SPATS2: variants seen among roughly 807,000 people sequenced by gnomAD.
SPATS2 encodes the protein spermatogenesis-associated serine-rich protein 2.
A neutral mutation model predicts 63.7 loss-of-function variants in SPATS2; 38 were observed. The ratio of observed to expected loss-of-function variants is 0.60; its 90% CI spans 0.46 to 0.78. SPATS2 has a LOEUF of 0.78. Among genes scored for constraint, SPATS2 ranks in the 30% least tolerant of loss-of-function variants. The probability of loss-of-function intolerance (pLI) is 0.00; values close to 1 mark genes in which losing one functional copy is unlikely to be tolerated. For synonymous variants in SPATS2, 207 were observed against 232.9 expected (o/e 0.89, Z 1.01); for missense variants, 588 against 666.2 (o/e 0.88, Z 1.29).
chr12:49,452,145 T>TA (rs893289136), intron 2 of SPATS2, among the ~76,000 whole-genome samples: 20 of 152,232 alleles, frequency 1.3e-4, no homozygotes, highest in Admixed American at 9.8e-4. Flanking sequence ...TAGATACATT[T>TA]AAAAAAAATC....
At chr12:49,453,998 G>A (rs1434269580) in intron 2 of SPATS2, among the ~76,000 whole-genome samples, 1 of 151,586 alleles carries the variant, frequency 6.6e-6, no homozygotes, top group East Asian at 1.9e-4. Context: ...GAGTAGCTGG[G>A]ACTACAGGCT....
intron 2 of SPATS2, among the ~76,000 whole-genome samples, chr12:49,372,424 T>G (rs751957016): frequency 6.6e-6 from 1 of 152,146 alleles, no homozygotes; most frequent in Non-Finnish European, 1.5e-5. Flanking sequence ...TCTATTGACT[T>G]TTTCTGTATT....
chr12:49,497,128 A>G, intron 8 of SPATS2, 119 bp downstream of exon 8: 1 of 1,047,714 alleles, frequency 9.5e-7, no homozygotes, highest in Non-Finnish European at 1.3e-6. Flanking sequence ...ATATTTTTCC[A>G]TTTTCCAGAC....
intron 2 of SPATS2, among the ~76,000 whole-genome samples, chr12:49,375,984 A>G (rs992693514): frequency 2.7e-5 from 4 of 150,690 alleles, no homozygotes; most frequent in African/African-American, 7.3e-5. Context: ...TAATTTTTAA[A>G]TAGAGACAGG....
At chr12:49,450,923 C>CAGTT (rs1945611867) in intron 2 of SPATS2, among the ~76,000 whole-genome samples, 1 of 151,448 alleles carries the variant, frequency 6.6e-6, no homozygotes, top group African/African-American at 2.4e-5. Context: ...GGCTAGAGTG[C>CAGTT]AGTTACACGA....
chr12:49,493,099 T>TAAAA (rs559171414), intron 6 of SPATS2, among the ~76,000 whole-genome samples: 1 of 126,412 alleles, frequency 7.9e-6, no homozygotes, highest in Admixed American at 8.3e-5. Context: ...ACTCCGTCTT[T>TAAAA]AAAAAAAAAA....
chr12:49,403,665 T>C (rs1164346892), intron 2 of SPATS2, among the ~76,000 whole-genome samples: 3 of 151,524 alleles, frequency 2.0e-5, no homozygotes, highest in African/African-American at 4.9e-5. Context: ...TTCTCTGTTA[T>C]GGCTTATTGA....
intron 2 of SPATS2, among the ~76,000 whole-genome samples, chr12:49,379,840 C>G (rs1458552421): frequency 1.3e-5 from 2 of 152,054 alleles, no homozygotes; most frequent in Non-Finnish European, 2.9e-5. Flanking sequence ...TCAGGCTGGT[C>G]TCAAACTCCT....
At chr12:49,409,562 A>C (rs371695730) in intron 2 of SPATS2, among the ~76,000 whole-genome samples, 114 of 146,836 alleles carry the variant, frequency 7.8e-4, no homozygotes, top group African/African-American at 2.7e-3. Context: ...AAAGTGCTGG[A>C]ATTACAGGCG....
intron 2 of SPATS2, among the ~76,000 whole-genome samples, chr12:49,430,551 T>G (rs1055403286): frequency 1.8e-4 from 27 of 152,232 alleles, no homozygotes; most frequent in Middle Eastern, 3.4e-3. Flanking sequence ...TTTTCTTGTT[T>G]TCCATCATTA....
At chr12:49,474,360 A>G (rs1349733273) in intron 3 of SPATS2, among the ~76,000 whole-genome samples, 1 of 152,224 alleles carries the variant, frequency 6.6e-6, no homozygotes, top group Non-Finnish European at 1.5e-5. Context: ...ATGAAGGTTA[A>G]TGAGTGAAGA....
chr12:49,498,659 TCTA>T (rs1195467518), intron 8 of SPATS2, among the ~76,000 whole-genome samples: 13 of 152,332 alleles, frequency 8.5e-5, no homozygotes, highest in Non-Finnish European at 4.4e-5. Context: ...TGCTGTTAAT[TCTA>T]TGCAGTATAT....
chr12:49,474,656 G>A (rs1191732577), intron 3 of SPATS2, among the ~76,000 whole-genome samples: 1 of 152,160 alleles, frequency 6.6e-6, no homozygotes, highest in East Asian at 1.9e-4. Context: ...TCACTGTCCA[G>A]ATTCTTACTA....
chr12:49,387,659 AG>A, intron 2 of SPATS2, among the ~76,000 whole-genome samples: 1 of 145,384 alleles, frequency 6.9e-6, no homozygotes, highest in African/African-American at 2.6e-5. Context: ...AAAAAAAAAA[AG>A]AATGTGGGAG....
chr12:49,382,104 C>T (rs1312135695), intron 2 of SPATS2, among the ~76,000 whole-genome samples: 1 of 152,258 alleles, frequency 6.6e-6, no homozygotes, highest in Non-Finnish European at 1.5e-5. Flanking sequence ...TGCGATGCCT[C>T]TGTGCCTATA....
Position 49,496,881 on chromosome 12 carries a change from C to T in SPATS2, c.575C>T (p.Thr192Ile). ...TCTGATTTTGAGACCAAGTCTTTGA[C>T]TATGCACTCTATTCACAATTCTCAA... Reference protein sequence around the residue: ...GVSDFETKSLTMHSIHNSQQP... With the variant: ...GVSDFETKSLIMHSIHNSQQP... The change falls in exon 8 of 14, where the codon ACT (threonine) becomes ATT (isoleucine). Residue 192 changes from threonine to isoleucine, a missense_variant. Physicochemically the swap from Thr to Ile is moderately conservative, Grantham distance 89. Coordinates refer to ENST00000552918, the MANE Select transcript of SPATS2 (RefSeq NM_023071.4). 6.2e-7 allele frequency: 1 copy of T among 1,614,104 alleles called. No homozygotes were observed. The highest frequency in any genetic ancestry group is 8.5e-7 in the Non-Finnish European group (1 of 1,179,994).
rs764764954 is a variant in SPATS2 at position 49,496,980 on chromosome 12, A to T, written c.674A>T (p.Asp225Val). The T allele has an allele frequency of 6.9e-6, 11 of 1,584,514 alleles. No homozygotes were observed. The East Asian group carries it at 9.4e-5, about 14-fold the overall frequency. The change falls in exon 8 of 14, where the codon GAT (aspartate) becomes GTT (valine). Residue 225 changes from aspartate (D) to valine (V), a missense_variant. Asp to Val is a radical substitution (Grantham distance 152). Transcript: ENST00000552918. ...CAGTTTTCAAATATGGGGATGGAAGATGTTCCCCTCGCCACCAGTAAAAAG... is the reference window on the plus strand; with the variant it reads ...CAGTTTTCAAATATGGGGATGGAAGTTGTTCCCCTCGCCACCAGTAAAAAG... ...ETQFSNMGME[D>V]VPLATSKKLS...
chr12:49,462,648 G>T (rs1945842340), intron 3 of SPATS2: 1 of 587,668 alleles, frequency 1.7e-6, no homozygotes, highest in Non-Finnish European at 3.0e-6. Flanking sequence ...AAATGCGGGA[G>T]ATTTTATTGC....
intron 2 of SPATS2, among the ~76,000 whole-genome samples, chr12:49,390,466 G>T (rs1437232672): frequency 6.6e-6 from 1 of 152,114 alleles, no homozygotes; most frequent in Admixed American, 6.6e-5. Flanking sequence ...AGGTAAACTT[G>T]AATATTCCCA....
Sources: allele counts gnomAD v4.1 joint callset (sites outside exome capture counted in the v4.1 genomes callset), GRCh38; gene constraint gnomAD v4.1.1; transcripts MANE v1.5; gene names NCBI Gene and HGNC (gene_info 2026-07-23, HGNC 2026-07-21).